Variants in MAP2K6 observed in about 807,000 individuals in gnomAD.
The protein encoded by MAP2K6 is dual specificity mitogen-activated protein kinase kinase 6.
In MAP2K6, 16 loss-of-function variants were observed where a neutral mutation model predicts 53.7. The ratio of observed to expected loss-of-function variants is 0.30; its 90% CI spans 0.20 to 0.45. The LOEUF is 0.45. MAP2K6 is among the 20% of genes least tolerant of loss of function. The pLI is 1.00. For synonymous variants in MAP2K6, 132 were observed against 143.1 expected, an observed-to-expected ratio of 0.92 and a Z score of 0.55; for missense variants, 204 against 411.9, an observed-to-expected ratio of 0.50 and a Z score of 4.37.
intron 1 of MAP2K6, among the ~76,000 whole-genome samples, chr17:69,482,633 T>C (rs1311779649): frequency 6.6e-6 from 1 of 152,068 alleles, no homozygotes; most frequent in African/African-American, 2.4e-5. Flanking sequence ...TACATTCTTG[T>C]TTTGGCTCCA....
rs536613766 is a variant in MAP2K6, at chr17:69,522,109, C to T, written c.535+1009C>T. Among the ~76,000 whole-genome samples, 19 of 152,262 alleles carry T rather than the reference C, an allele frequency of 1.2e-4. No individual in the cohort carries two copies. In the South Asian group the frequency reaches 3.7e-3, roughly 30 times the overall value. ...AACTTCTGGGAAGAGATAACCAGAA[C>T]CCTGTCTTTGGGAAGAATAATGGAA... On this transcript the variant is annotated intron_variant, in intron 7 of 11. Coordinates refer to ENST00000590474, the MANE Select transcript of MAP2K6 (RefSeq NM_002758.4).
intron 9 of MAP2K6, among the ~76,000 whole-genome samples, 157 bp downstream of exon 9, chr17:69,525,135 G>T (rs534568828): frequency 6.6e-6 from 1 of 152,228 alleles, no homozygotes; most frequent in Admixed American, 6.5e-5. Flanking sequence ...TGTTTGTATT[G>T]TGGTACAATA....
intron 1 of MAP2K6, among the ~76,000 whole-genome samples, chr17:69,469,259 T>G (rs1399839372): frequency 6.6e-6 from 1 of 152,208 alleles, no homozygotes; most frequent in African/African-American, 2.4e-5. Context: ...CCAACCCCTC[T>G]ACCTTCCTCT....
intron 1 of MAP2K6, among the ~76,000 whole-genome samples, chr17:69,428,073 A>G (rs1267574143): frequency 6.6e-6 from 1 of 152,164 alleles, no homozygotes; most frequent in Non-Finnish European, 1.5e-5. Flanking sequence ...AATTATCTGT[A>G]CCTCACTCTG....
intron 2 of MAP2K6, among the ~76,000 whole-genome samples, chr17:69,511,980 A>G (rs904227741): frequency 3.3e-5 from 5 of 152,360 alleles, no homozygotes; most frequent in Admixed American, 3.3e-4. Flanking sequence ...CTCCATCTCA[A>G]AAAACAAACA....
At chr17:69,416,863 G>A (rs1340414481) in intron 1 of MAP2K6, among the ~76,000 whole-genome samples, 1 of 152,180 alleles carries the variant, frequency 6.6e-6, no homozygotes, top group Admixed American at 6.5e-5. Flanking sequence ...GGACTTTAGG[G>A]TCTAAACTAA....
chr17:69,478,455 C>T (rs1470589724), intron 1 of MAP2K6, among the ~76,000 whole-genome samples: 1 of 152,016 alleles, frequency 6.6e-6, no homozygotes, highest in Non-Finnish European at 1.5e-5. Context: ...TTTTTGAGAC[C>T]GAGTTTCACT....
chr17:69,516,994 C>A, intron 3 of MAP2K6, 91 bp downstream of exon 3: 2 of 1,023,706 alleles, frequency 2.0e-6, no homozygotes, highest in Non-Finnish European at 3.0e-6. Context: ...AGCATGCTGT[C>A]AGGGGATGAG....
chr17:69,499,182 GA>G (rs1909058904), intron 1 of MAP2K6, among the ~76,000 whole-genome samples: 1 of 152,214 alleles, frequency 6.6e-6, no homozygotes. Flanking sequence ...TGAGATGTTT[GA>G]AAAATGTAAT....
chr17:69,461,305 T>C (rs1362108147), intron 1 of MAP2K6, among the ~76,000 whole-genome samples: 1 of 152,180 alleles, frequency 6.6e-6, no homozygotes. Context: ...GTATGTGACA[T>C]GGTTTCTAAA....
rs1372551391 is a variant in MAP2K6 at position 69,552,574 on chromosome 17, C to T, written c.*10821C>T. ...AGCATGTGGGTGGAATGTTTCCATG[C>T]TCTTGAGGTGAATATTAAATTTAAA... On this transcript the variant is annotated 3_prime_UTR_variant, in exon 12 of 12. Coordinates refer to ENST00000590474, the MANE Select transcript of MAP2K6 (RefSeq NM_002758.4). The T allele has an allele frequency of 6.6e-6, 1 of 152,108 alleles. No individual in the cohort carries two copies. Among genetic ancestry groups the T allele is most frequent in the African/African-American group, 2.4e-5 (1 of 41,416 alleles). 9.4% of individuals were successfully genotyped at this position (152,108 alleles called of 1,614,324 possible). A position where few individuals can be genotyped will look rare whatever the true frequency, so the allele number is the denominator to read the frequency against.
At chr17:69,536,037 T>C in intron 10 of MAP2K6, 78 bp from the exon 11 acceptor site, 1 of 918,400 alleles carries the variant, frequency 1.1e-6, no homozygotes, top group Non-Finnish European at 1.8e-6. Context: ...TGTTTAGTGT[T>C]CTACAGGTTC....
At chr17:69,509,308 A>G (rs1483570594) in intron 2 of MAP2K6, among the ~76,000 whole-genome samples, 1 of 152,182 alleles carries the variant, frequency 6.6e-6, no homozygotes, top group East Asian at 1.9e-4. Flanking sequence ...CAATTCCTCT[A>G]TATTAGATTT....
intron 11 of MAP2K6, 84 bp downstream of exon 11, chr17:69,536,244 A>G: frequency 2.1e-6 from 2 of 962,602 alleles, no homozygotes; most frequent in African/African-American, 1.6e-5. Flanking sequence ...TCATCACATC[A>G]CCATATTGGA....
intron 1 of MAP2K6, among the ~76,000 whole-genome samples, chr17:69,495,274 TG>T (rs1908904794): frequency 6.6e-6 from 1 of 152,018 alleles, no homozygotes; most frequent in Non-Finnish European, 1.5e-5. Context: ...GTCTCGCTCT[TG>T]TCGCCCAAGC....
chr17:69,449,460 T>C (rs951647914), intron 1 of MAP2K6, among the ~76,000 whole-genome samples: 3 of 150,846 alleles, frequency 2.0e-5, no homozygotes, highest in Non-Finnish European at 3.0e-5. Context: ...TGATTATTAC[T>C]CCTCAGAGTC....
chr17:69,519,508 T>A, intron 5 of MAP2K6, 76 bp downstream of exon 5: 1 of 1,568,438 alleles, frequency 6.4e-7, no homozygotes, highest in African/African-American at 1.4e-5. Context: ...GTAAATGCCT[T>A]CACAATCATG....
chr17:69,504,759 A>G (rs1048603323), intron 1 of MAP2K6, among the ~76,000 whole-genome samples: 7 of 152,122 alleles, frequency 4.6e-5, no homozygotes, highest in African/African-American at 1.7e-4. Context: ...ATTCGAGCCA[A>G]ATTCTCTTGT....
chr17:69,437,544 A>G (rs538535044), intron 1 of MAP2K6, among the ~76,000 whole-genome samples: 1 of 152,350 alleles, frequency 6.6e-6, no homozygotes, highest in African/African-American at 2.4e-5. Flanking sequence ...TCAAGGGCCA[A>G]CTGTATATGT....
Sources: gnomAD v4.1 joint callset for allele counts (sites outside exome capture counted in the v4.1 genomes callset) on GRCh38, gnomAD v4.1.1 for gene constraint, MANE v1.5 for transcripts, NCBI Gene and HGNC (gene_info 2026-07-23, HGNC 2026-07-21) for gene names.